The following NSL1 variants were observed in gnomAD, a reference collection of about 807,000 sequenced individuals.
NSL1 encodes the protein NSL1 component of MIS12 kinetochore complex.
In NSL1, 11 loss-of-function variants were observed where a neutral mutation model predicts 25.4. That is an observed-to-expected ratio of 0.43 (90% confidence interval 0.27 to 0.72). The LOEUF is 0.72. Ranked by LOEUF, NSL1 falls within the 30% of genes least tolerant of loss-of-function variation. NSL1 has a pLI of 0.19. For missense variants in NSL1, 330 were observed against 342.7 expected (o/e 0.96, Z 0.29); for synonymous variants, 118 against 120.6 (o/e 0.98, Z 0.14).
chr1:212,737,900 T>A lies in NSL1; in HGVS notation c.*508A>T. 1.0e-6 allele frequency: 1 copy of A among 985,566 alleles called. No individual in the cohort carries two copies. The highest frequency in any genetic ancestry group is 1.2e-6 in the Non-Finnish European group (1 of 830,052). 61.1% of individuals were successfully genotyped at this position (985,566 alleles called of 1,614,324 possible). Reference sequence around the variant, plus strand: ...AGTAACAAAGTCAAAGCCAGTATTATCATCAGCACATTAATTTGATAAATC... The same window carrying A: ...AGTAACAAAGTCAAAGCCAGTATTAACATCAGCACATTAATTTGATAAATC... On this transcript the variant is annotated 3_prime_UTR_variant, in exon 6 of 6. Coordinates refer to ENST00000366977, the MANE Select transcript of NSL1 (RefSeq NM_015471.4).
chr1:212,775,499 A>C (rs1660317836), intron 4 of NSL1, among the ~76,000 whole-genome samples: 2 of 152,056 alleles, frequency 1.3e-5, no homozygotes, highest in South Asian at 4.1e-4. Flanking sequence ...AAATTTCAAA[A>C]GCCTGCAATG....
At chr1:212,777,182 T>C (rs936779410) in intron 4 of NSL1, among the ~76,000 whole-genome samples, 10 of 151,866 alleles carry the variant, frequency 6.6e-5, no homozygotes, top group Non-Finnish European at 1.3e-4. Context: ...CAGACCAGCC[T>C]GGGTAACATA....
intron 4 of NSL1, among the ~76,000 whole-genome samples, chr1:212,740,357 G>A (rs1387536934): frequency 6.6e-6 from 1 of 151,936 alleles, no homozygotes; most frequent in Non-Finnish European, 1.5e-5. Context: ...ACTTGTCTTA[G>A]GTTCATCTTT....
chr1:212,779,252 CT>C (rs1334568840), intron 4 of NSL1, among the ~76,000 whole-genome samples: 2 of 149,860 alleles, frequency 1.3e-5, no homozygotes, highest in South Asian at 2.1e-4. Flanking sequence ...GTCAGCCCCC[CT>C]CCCGGCCAGC....
At chr1:212,766,294 C>T in intron 4 of NSL1, 1 of 599,346 alleles carries the variant, frequency 1.7e-6, no homozygotes, top group South Asian at 2.1e-5. Context: ...ACAAAGATGC[C>T]CACTTTCACC....
chr1:212,765,359 C>T (rs1360598491), intron 4 of NSL1, among the ~76,000 whole-genome samples: 2 of 152,064 alleles, frequency 1.3e-5, no homozygotes, highest in Non-Finnish European at 2.9e-5. Context: ...TAACCAAATC[C>T]AACAGCATGT....
rs986343352 is a variant in NSL1, at chr1:212,760,126, G to A, written c.500-20525C>T. ...CAGGGCCTGGGGATTGACCTGCCCC[G>A]CCAGCTGCTTCTGGGGCACACACAC... is the stretch of plus-strand genomic sequence containing the variant. On this transcript the variant is annotated intron_variant, in intron 4 of 5. Coordinates refer to ENST00000366977, the MANE Select transcript of NSL1 (RefSeq NM_015471.4). This position sits in a 1 kb window ranked among gnomAD's most constrained non-coding sequence, Gnocchi z 4.3. 6.6e-6 allele frequency among the ~76,000 whole-genome samples: 1 copy of A among 151,184 alleles called. No homozygotes were observed. The highest frequency in any genetic ancestry group is 2.4e-5 in the African/African-American group (1 of 41,082).
At chr1:212,762,306 C>CAAAAAAAAAAAAAAAAAAAA (rs71147025) in intron 4 of NSL1, among the ~76,000 whole-genome samples, 1 of 114,640 alleles carries the variant, frequency 8.7e-6, no homozygotes, top group African/African-American at 3.4e-5. Flanking sequence ...TTAAAAGAAA[C>CAAAAAAAAAAAAAAAAAAAA]AAAAAAAAAA....
chr1:212,735,898 A>G lies in NSL1; in HGVS notation c.*2510T>C, dbSNP rs1658214824. 1 of 945,482 alleles carries G rather than the reference A, an allele frequency of 1.1e-6. No individual in the cohort carries two copies. The highest frequency in any genetic ancestry group is 1.8e-5 in the African/African-American group (1 of 56,574). 58.6% of individuals were successfully genotyped at this position (945,482 alleles called of 1,614,324 possible). ...GCCTCCAGAACTGTGAGAAGTAAGT[A>G]TCTGTTGTTTAAGCCACCCAGCCTG... On this transcript the variant is annotated 3_prime_UTR_variant, in exon 6 of 6. Coordinates refer to ENST00000366977, the MANE Select transcript of NSL1 (RefSeq NM_015471.4).
chr1:212,754,475 G>GA (rs1659207805), intron 4 of NSL1, among the ~76,000 whole-genome samples: 1 of 151,956 alleles, frequency 6.6e-6, no homozygotes, highest in African/African-American at 2.4e-5. Context: ...AAAGGTGGCT[G>GA]AAAAAAACTG....
In NSL1 at chr1:212,737,484, A is replaced by G; in HGVS notation, c.*924T>C. On this transcript the variant is annotated 3_prime_UTR_variant, in exon 6 of 6. Coordinates refer to ENST00000366977, the MANE Select transcript of NSL1 (RefSeq NM_015471.4). The stretch of plus-strand genomic sequence containing the variant: ...ACTGTATAATGTAAGACACACAATA[A>G]GAGCTATAAGAAACTATAGTTAAAT... 1 of 984,298 alleles carries G rather than the reference A, an allele frequency of 1.0e-6. No individual in the cohort carries two copies. The highest frequency in any genetic ancestry group is 4.7e-5 in the South Asian group (1 of 21,270). The allele number at this position is 984,298 out of a possible 1,614,324, so 61.0% of individuals were successfully genotyped here. A position where few individuals can be genotyped will look rare whatever the true frequency, so the allele number is the denominator to read the frequency against.
chr1:212,784,516 T>C (rs753865212), intron 2 of NSL1, 23 bp from the exon 3 acceptor site: 6 of 1,455,200 alleles, frequency 4.1e-6, no homozygotes, highest in South Asian at 2.7e-5. Context: ...AAAAAATGTA[T>C]ATATAAAAAG....
rs190070462 is a variant in NSL1, at chr1:212,737,531, G to A, written c.*877C>T. Reference sequence around the variant, plus strand: ...AAATGTTAGAAGTAAAGCCAATATCGTTTTCTCAGACTTCTCCCAGTGATT... The same window carrying A: ...AAATGTTAGAAGTAAAGCCAATATCATTTTCTCAGACTTCTCCCAGTGATT... On this transcript the variant is annotated 3_prime_UTR_variant, in exon 6 of 6. Coordinates refer to ENST00000366977, the MANE Select transcript of NSL1 (RefSeq NM_015471.4). The A allele has an allele frequency of 2.5e-3, 2,490 of 980,270 alleles. 13 individuals are homozygous for A. The highest frequency in any genetic ancestry group is 2.4e-3 in the Non-Finnish European group (1,964 of 825,248). 60.7% of individuals were successfully genotyped at this position (980,270 alleles called of 1,614,324 possible).
Position 212,737,743 on chromosome 1 carries a change from G to A in NSL1, c.*665C>T. ...TAATGGTCTATAGAAAAAAGTGAGTGTGGGCAGGAAACATTGGCTACATGC... is the reference window on the plus strand; with the variant it reads ...TAATGGTCTATAGAAAAAAGTGAGTATGGGCAGGAAACATTGGCTACATGC... On this transcript the variant is annotated 3_prime_UTR_variant, in exon 6 of 6. Transcript: ENST00000366977. 1.0e-6 allele frequency: 1 copy of A among 983,916 alleles called. No homozygotes were observed. Among genetic ancestry groups the A allele is most frequent in the African/African-American group, 1.7e-5 (1 of 57,316 alleles). 60.9% of individuals were successfully genotyped at this position (983,916 alleles called of 1,614,324 possible).
At chr1:212,769,894 A>C (rs1450485293) in intron 4 of NSL1, among the ~76,000 whole-genome samples, 1 of 152,198 alleles carries the variant, frequency 6.6e-6, no homozygotes, top group Non-Finnish European at 1.5e-5. Flanking sequence ...CACTTAAAAG[A>C]CAAATAATAG....
chr1:212,738,119 T>G lies in NSL1; in HGVS notation c.*289A>C. The G allele has an allele frequency of 9.4e-7, 1 of 1,062,744 alleles. No individual in the cohort carries two copies. The highest frequency in any genetic ancestry group is 1.1e-6 in the Non-Finnish European group (1 of 880,208). The allele number at this position is 1,062,744 out of a possible 1,614,324, so 65.8% of individuals were successfully genotyped here. On this transcript the variant is annotated 3_prime_UTR_variant, in exon 6 of 6. Transcript: ENST00000366977. ...ACAAAAGCTACAAGGGAGCTGAGAG[T>G]TGATGGCACTTAAGGACAGTAAAAG...
intron 4 of NSL1, among the ~76,000 whole-genome samples, chr1:212,752,128 G>A (rs925842059): frequency 1.3e-5 from 2 of 152,168 alleles, no homozygotes; most frequent in Non-Finnish European, 2.9e-5. Context: ...GTCATATAGT[G>A]GAACTAATAT....
At position 212,752,564 on chromosome 1, in the gene NSL1, A is replaced by T. The variant is rs1416904813; in HGVS notation, c.500-12963T>A. 2.7e-4 allele frequency among the ~76,000 whole-genome samples: 6 copies of T among 21,986 alleles called. No individual in the cohort carries two copies. In the East Asian group the frequency reaches 3.3e-3, roughly 12 times the overall value. 14.4% of individuals were successfully genotyped at this position (21,986 alleles called of 152,430 possible). On this transcript the variant is annotated intron_variant, in intron 4 of 5. Coordinates refer to ENST00000366977, the MANE Select transcript of NSL1 (RefSeq NM_015471.4). Reference sequence around the variant, plus strand: ...TTCAGTTAATTTCAAAGAACTTTTAAAAAAAGGCAATATGGAAGCAATTAT... The same window carrying T: ...TTCAGTTAATTTCAAAGAACTTTTATAAAAAGGCAATATGGAAGCAATTAT...
intron 4 of NSL1, among the ~76,000 whole-genome samples, chr1:212,745,265 A>G (rs936129934): frequency 2.0e-5 from 3 of 151,516 alleles, no homozygotes; most frequent in African/African-American, 4.9e-5. Context: ...GGCAGAAAAA[A>G]TATCTTAAGA....
Sources: allele counts gnomAD v4.1 joint callset (sites outside exome capture counted in the v4.1 genomes callset), GRCh38; gene constraint gnomAD v4.1.1; non-coding constraint Gnocchi (gnomAD v3.1); transcripts MANE v1.5; gene names NCBI Gene and HGNC (gene_info 2026-07-23, HGNC 2026-07-21).